Variants in AS3MT observed in about 807,000 individuals in gnomAD.
The protein encoded by AS3MT is arsenite methyltransferase, also known as S-adenosyl-L-methionine:arsenic(III) methyltransferase.
In AS3MT, 47 loss-of-function variants were observed where a neutral mutation model predicts 45.3. That is an observed-to-expected ratio of 1.04 (90% CI 0.82 to 1.32). AS3MT has a LOEUF of 1.32. AS3MT is among the 40% of genes most tolerant of loss of function. The pLI is 0.00. For synonymous variants in AS3MT, 141 were observed against 152.8 expected, an observed-to-expected ratio of 0.92 and a Z score of 0.57; for missense variants, 396 against 451.1, an observed-to-expected ratio of 0.88 and a Z score of 1.11.
chr10:102,898,140 A>G (rs1366274377), intron 10 of AS3MT, among the ~76,000 whole-genome samples: 1 of 151,200 alleles, frequency 6.6e-6, no homozygotes, highest in African/African-American at 2.4e-5. Context: ...TTAACGGAAG[A>G]CCTTTATGAT....
Position 102,873,343 on chromosome 10 carries a change from C to T in AS3MT, c.458+110C>T, listed in dbSNP as rs1262468395. ...TCACCCAGGCCAGAGTGCAGTGGCC[C>T]AATGTCAGCTCACGATAACCTCTGC... On this transcript the variant is annotated intron_variant, in intron 5 of 10. Coordinates refer to ENST00000369880, the MANE Select transcript of AS3MT (RefSeq NM_020682.4). 15 of 838,374 alleles carry T rather than the reference C, an allele frequency of 1.8e-5. No individual in the cohort carries two copies. In the East Asian group the frequency reaches 5.0e-4, roughly 28 times the overall value. 51.9% of individuals were successfully genotyped at this position (838,374 alleles called of 1,614,324 possible).
At chr10:102,870,385 T>C (rs1023133702) in intron 3 of AS3MT, among the ~76,000 whole-genome samples, 174 bp downstream of exon 3, 16 of 152,116 alleles carry the variant, frequency 1.1e-4, no homozygotes, top group African/African-American at 3.6e-4. Context: ...GAACCTCCGA[T>C]GAGTCTGGGC....
rs1457381672 is a variant in AS3MT, at chr10:102,881,488, A to G, written c.885+2497A>G. On this transcript the variant is annotated intron_variant, in intron 9 of 10. Transcript: ENST00000369880. This position sits in a 1 kb window ranked among gnomAD's most constrained non-coding sequence, Gnocchi z 4.2. ...CATTTACTGAGGAACACAGAATTGT[A>G]TATGTTTTCTGGCTCTATTATTTAT... Among the ~76,000 whole-genome samples, 1 of 152,196 alleles carries G rather than the reference A, an allele frequency of 6.6e-6. No homozygotes were observed. The highest frequency in any genetic ancestry group is 1.5e-5 in the Non-Finnish European group (1 of 68,026).
At chr10:102,896,398 T>C (rs896555554) in intron 10 of AS3MT, among the ~76,000 whole-genome samples, 4 of 149,760 alleles carry the variant, frequency 2.7e-5, no homozygotes, top group Non-Finnish European at 4.4e-5. Context: ...ACATTTGTAG[T>C]TGGGGAAGGT....
At chr10:102,873,982 CG>C (rs1250609238) in intron 5 of AS3MT, among the ~76,000 whole-genome samples, 14 of 151,890 alleles carry the variant, frequency 9.2e-5, no homozygotes, top group Non-Finnish European at 1.3e-4. Context: ...CGGCCAGGTG[CG>C]GTGGCTCACG....
chr10:102,882,129 TG>T (rs950490304), intron 9 of AS3MT, among the ~76,000 whole-genome samples: 5 of 151,938 alleles, frequency 3.3e-5, no homozygotes, highest in African/African-American at 1.2e-4. Flanking sequence ...TTAGTAGAGT[TG>T]GGATTTCACC....
chr10:102,880,010 TA>T (rs1844849293), intron 9 of AS3MT, among the ~76,000 whole-genome samples: 1 of 152,144 alleles, frequency 6.6e-6, no homozygotes, highest in Non-Finnish European at 1.5e-5. Context: ...TCCCTCTGCA[TA>T]ATCACAATAC....
chr10:102,877,808 A>G (rs1204623643), intron 7 of AS3MT, among the ~76,000 whole-genome samples: 1 of 135,686 alleles, frequency 7.4e-6, no homozygotes, highest in East Asian at 2.1e-4. Flanking sequence ...GCTAGAGTGC[A>G]GTGGCGCAAT....
chr10:102,900,785 T>G lies in AS3MT; in HGVS notation c.*85T>G. The G allele has an allele frequency of 9.1e-7, 1 of 1,100,602 alleles. No individual in the cohort carries two copies. Among genetic ancestry groups the G allele is most frequent in the East Asian group, 2.4e-5 (1 of 41,524 alleles). 68.2% of individuals were successfully genotyped at this position (1,100,602 alleles called of 1,614,324 possible). On this transcript the variant is annotated 3_prime_UTR_variant, in exon 11 of 11. Transcript: ENST00000369880. The stretch of plus-strand genomic sequence containing the variant: ...CTGCTTTTCCCCATAGCACAGACCA[T>G]AAGAAACAACAAATGGGGCCGGGCA...
At chr10:102,871,055 T>C (rs1320992178) in intron 3 of AS3MT, among the ~76,000 whole-genome samples, 2 of 152,064 alleles carry the variant, frequency 1.3e-5, no homozygotes, top group Non-Finnish European at 2.9e-5. Context: ...ACCGACCTGG[T>C]CAACATAGTG....
rs1844748924 is a variant in AS3MT at position 102,874,441 on chromosome 10, C to A, written c.459-151C>A. 3 of 594,010 alleles carry A rather than the reference C, an allele frequency of 5.1e-6. No individual in the cohort carries two copies. The East Asian group carries it at 8.5e-5, about 17-fold the overall frequency. 36.8% of individuals were successfully genotyped at this position (594,010 alleles called of 1,614,324 possible). Reference sequence around the variant, plus strand: ...CTCTGTCTCTGATCTTGGGGAAAAGCTTAGTTGAAGGCATTAGAAAGAGAG... The same window carrying A: ...CTCTGTCTCTGATCTTGGGGAAAAGATTAGTTGAAGGCATTAGAAAGAGAG... On this transcript the variant is annotated intron_variant, in intron 5 of 10. Transcript: ENST00000369880.
chr10:102,875,704 C>A (rs958645014), intron 6 of AS3MT, among the ~76,000 whole-genome samples: 6 of 151,640 alleles, frequency 4.0e-5, no homozygotes, highest in African/African-American at 1.5e-4. Flanking sequence ...CTCACTGCAA[C>A]CTCCGCCTCC....
intron 6 of AS3MT, 112 bp from the exon 7 acceptor site, chr10:102,876,842 A>G: frequency 9.4e-7 from 1 of 1,062,064 alleles, no homozygotes; most frequent in Non-Finnish European, 1.4e-6. Context: ...GGTCAGCTTA[A>G]ACATTGCTAT....
Position 102,900,776 on chromosome 10 carries a change from C to A in AS3MT, c.*76C>A. On this transcript the variant is annotated 3_prime_UTR_variant, in exon 11 of 11. Transcript: ENST00000369880. ...TTTTTTAACCTGCTTTTCCCCATAG[C>A]ACAGACCATAAGAAACAACAAATGG... The A allele has an allele frequency of 2.6e-6, 3 of 1,172,066 alleles. No homozygotes were observed. Among genetic ancestry groups the A allele is most frequent in the Non-Finnish European group, 3.8e-6 (3 of 786,948 alleles). 72.6% of individuals were successfully genotyped at this position (1,172,066 alleles called of 1,614,324 possible).
At chr10:102,898,176 G>A (rs1449683108) in intron 10 of AS3MT, among the ~76,000 whole-genome samples, 1 of 151,072 alleles carries the variant, frequency 6.6e-6, no homozygotes, top group African/African-American at 2.4e-5. Context: ...GACAGTACAC[G>A]CAGCTGGCAT....
In AS3MT at chr10:102,892,985, A is replaced by AAAATAAATAAAT. The variant is rs35801309; in HGVS notation, c.1020+2342_1020+2353dup. Among the ~76,000 whole-genome samples the AAAATAAATAAAT allele has an allele frequency of 3.4e-3, 477 of 138,364 alleles. 4 individuals are homozygous for AAAATAAATAAAT. Among genetic ancestry groups the AAAATAAATAAAT allele is most frequent in the African/African-American group, 0.011 (403 of 36,794 alleles). The allele number at this position is 138,364 out of a possible 152,430, so 90.8% of individuals were successfully genotyped here. ...TGGCAACAGAGTGAGACTCTGTCTC[A>AAAATAAATAAAT]AAATAAATAAATAAATAAATAAATA... On this transcript the variant is annotated intron_variant, in intron 10 of 10. Transcript: ENST00000369880.
At chr10:102,890,448 G>T in intron 9 of AS3MT, 96 bp from the exon 10 acceptor site, 1 of 977,392 alleles carries the variant, frequency 1.0e-6, no homozygotes, top group Non-Finnish European at 1.5e-6. Context: ...GATTAGTGCT[G>T]GTGAGGATGT....
Position 102,869,559 on chromosome 10 carries a change from T to G in AS3MT, c.-34T>G. The G allele has an allele frequency of 6.6e-7, 1 of 1,526,172 alleles. No homozygotes were observed. Among genetic ancestry groups the G allele is most frequent in the Non-Finnish European group, 8.8e-7 (1 of 1,139,928 alleles). 94.5% of individuals were successfully genotyped at this position (1,526,172 alleles called of 1,614,324 possible). On this transcript the variant is annotated 5_prime_UTR_variant, in exon 1 of 11. Coordinates refer to ENST00000369880, the MANE Select transcript of AS3MT (RefSeq NM_020682.4). ...CCTGAGTCGCAGGCCGAGGAGACAG[T>G]GAGTGCGCGCCCTGAGTCGCAGGCC...
At chr10:102,876,513 A>G (rs1437979572) in intron 6 of AS3MT, among the ~76,000 whole-genome samples, 3 of 152,072 alleles carry the variant, frequency 2.0e-5, no homozygotes, top group African/African-American at 7.2e-5. Flanking sequence ...GCTCTCCTCC[A>G]GCAAGCCTCC....
Sources: gnomAD v4.1 joint callset for allele counts (sites outside exome capture counted in the v4.1 genomes callset) on GRCh38, gnomAD v4.1.1 for gene constraint, Gnocchi (gnomAD v3.1) non-coding constraint, MANE v1.5 for transcripts, NCBI Gene and HGNC (gene_info 2026-07-23, HGNC 2026-07-21) for gene names.